NRXN1: variants seen among roughly 807,000 people sequenced by gnomAD.
The protein encoded by NRXN1 is neurexin-1.
In NRXN1, 39 loss-of-function variants were observed where a neutral mutation model predicts 150.9. The ratio of observed to expected loss-of-function variants is 0.26; its 90% CI spans 0.20 to 0.34. NRXN1 has a LOEUF of 0.34. NRXN1 is among the 10% of genes least tolerant of loss of function. The pLI, the probability that NRXN1 is intolerant of heterozygous loss-of-function variation, is 1.00. For missense variants in NRXN1, 1,815 were observed against 1,949.9 expected (o/e 0.93, Z 1.30); for synonymous variants, 924 against 757.0 (o/e 1.22, Z -3.62).
intron 8 of NRXN1, among the ~76,000 whole-genome samples, chr2:50,562,329 C>CGACAGATA (rs1669212879): frequency 6.7e-6 from 1 of 149,908 alleles, no homozygotes; most frequent in Admixed American, 6.7e-5. Context: ...GATAGATATA[C>CGACAGATA]GATAGATAGA....
intron 15 of NRXN1, among the ~76,000 whole-genome samples, chr2:50,485,258 T>G (rs1393662006): frequency 6.6e-6 from 1 of 152,118 alleles, no homozygotes; most frequent in African/African-American, 2.4e-5. Context: ...GATTCAAAAT[T>G]TATCAAGGAA....
In NRXN1 at chr2:50,538,562, C is replaced by T. The variant is rs2093320719; in HGVS notation, c.1834G>A (p.Glu612Lys). 6.4e-7 allele frequency: 1 copy of T among 1,571,282 alleles called. No individual in the cohort carries two copies. Among genetic ancestry groups the T allele is most frequent in the African/African-American group, 1.3e-5 (1 of 74,102 alleles). The change falls in exon 10 of 23, where the codon GAG (glutamate) becomes AAG (lysine). Residue 612 changes from glutamate to lysine, a missense_variant. Transcript: ENST00000401669. ...TCTGGCAGCCCCCCCAGGTACAACT[C>T]ATCATCCAGGTCCAGAATCTCACTC... ...GESEILDLDD[E>K]LYLGGLPENK...
intron 18 of NRXN1, among the ~76,000 whole-genome samples, chr2:50,156,488 T>C (rs1042440576): frequency 2.0e-5 from 3 of 151,960 alleles, no homozygotes; most frequent in Admixed American, 6.6e-5. Flanking sequence ...TTGCCTTTTA[T>C]CTTACGGGTT....
intron 18 of NRXN1, among the ~76,000 whole-genome samples, chr2:50,210,565 T>C (rs2062942470): frequency 6.6e-6 from 1 of 151,784 alleles, no homozygotes; most frequent in Non-Finnish European, 1.5e-5. Flanking sequence ...TGTGAGATTA[T>C]TAAACTTGTT....
At chr2:50,598,552 GTA>G (rs546244675) in intron 8 of NRXN1, among the ~76,000 whole-genome samples, 18 of 139,960 alleles carry the variant, frequency 1.3e-4, no homozygotes, top group Admixed American at 5.2e-4. Context: ...ATATATGTGT[GTA>G]TATATATATG....
At chr2:50,055,422 G>T (rs908722166) in intron 19 of NRXN1, among the ~76,000 whole-genome samples, 1 of 152,082 alleles carries the variant, frequency 6.6e-6, no homozygotes, top group African/African-American at 2.4e-5. Context: ...GGTGAAACAG[G>T]TTTAAGTTTT....
At chr2:50,289,635 T>A (rs1357357406) in intron 17 of NRXN1, among the ~76,000 whole-genome samples, 1 of 152,186 alleles carries the variant, frequency 6.6e-6, no homozygotes. Context: ...AGCTATGAAT[T>A]TTCAGGTAGG....
At position 50,683,631 on chromosome 2, in the gene NRXN1, C is replaced by CAAAAAAAAAAAAAAAAAAAAAAAAAA. The variant is rs745831100; in HGVS notation, c.833-60017_833-60016insTTTTTTTTTTTTTTTTTTTTTTTTTT. On this transcript the variant is annotated intron_variant, in intron 5 of 22. Coordinates refer to ENST00000401669, the MANE Select transcript of NRXN1 (RefSeq NM_001330078.2). ...TGGGTGACAGAGCAAGACTCCGTCT[C>CAAAAAAAAAAAAAAAAAAAAAAAAAA]AAAAAAAAAAAAAAAATATATATAT... Among the ~76,000 whole-genome samples, 2 of 8,532 alleles carry CAAAAAAAAAAAAAAAAAAAAAAAAAA rather than the reference C, an allele frequency of 2.3e-4. 1 individual carries two copies. The highest frequency in any genetic ancestry group is 2.1e-3 in the African/African-American group (2 of 936). 5.6% of individuals were successfully genotyped at this position (8,532 alleles called of 152,430 possible). A position where few individuals can be genotyped will look rare whatever the true frequency, so the allele number is the denominator to read the frequency against.
chr2:49,995,961 A>C lies in NRXN1; in HGVS notation c.4129-52170T>G, dbSNP rs79964560. ...GTCAAAATGACAGGGTGATTTCCAG[A>C]AATTCATTAATCCTTTCAATGAATA... On this transcript the variant is annotated intron_variant, in intron 21 of 22. Transcript: ENST00000401669. 2.4e-3 allele frequency among the ~76,000 whole-genome samples: 371 copies of C among 151,868 alleles called. 15 individuals carry two copies. The East Asian group carries it at 0.057, about 23-fold the overall frequency.
At chr2:50,531,505 T>C (rs1381120099) in intron 10 of NRXN1, 75 bp from the exon 11 acceptor site, 29 of 1,089,556 alleles carry the variant, frequency 2.7e-5, no homozygotes, top group Non-Finnish European at 3.4e-5. Flanking sequence ...AAAAGGATCA[T>C]TTATTATCAT....
intron 5 of NRXN1, among the ~76,000 whole-genome samples, chr2:50,702,922 GC>G (rs1189860063): frequency 4.6e-5 from 7 of 152,004 alleles, no homozygotes; most frequent in Admixed American, 3.9e-4. Context: ...CTATCAGGAT[GC>G]CCTTTTTGTT....
intron 7 of NRXN1, chr2:50,620,970 G>A (rs758931564): frequency 1.4e-5 from 6 of 435,376 alleles, no homozygotes; most frequent in South Asian, 6.1e-5. Context: ...GTTAACCACA[G>A]CTGGATGCAA....
chr2:50,619,658 A>C (rs1477724177), intron 8 of NRXN1: 1 of 376,224 alleles, frequency 2.7e-6, no homozygotes, highest in African/African-American at 2.1e-5. Context: ...TACTCAAAAA[A>C]GTCATCACTG....
At chr2:50,459,319 CTTTTA>C (rs1441596957) in intron 17 of NRXN1, among the ~76,000 whole-genome samples, 2 of 152,090 alleles carry the variant, frequency 1.3e-5, no homozygotes, top group Non-Finnish European at 2.9e-5. Context: ...TATTTTTTTA[CTTTTA>C]TTTTAGATCC....
chr2:50,822,240 G>A (rs1295830290), intron 5 of NRXN1, among the ~76,000 whole-genome samples: 1 of 152,024 alleles, frequency 6.6e-6, no homozygotes, highest in African/African-American at 2.4e-5. Context: ...AATAAATATA[G>A]CTTTCCGTTT....
chr2:50,057,797 G>C (rs1693877696), intron 19 of NRXN1, among the ~76,000 whole-genome samples: 1 of 152,104 alleles, frequency 6.6e-6, no homozygotes, highest in African/African-American at 2.4e-5. Flanking sequence ...ACCACTTGTA[G>C]CTAAGCCTCC....
chr2:50,304,484 A>G (rs1388623630), intron 17 of NRXN1, among the ~76,000 whole-genome samples: 2 of 152,200 alleles, frequency 1.3e-5, no homozygotes, highest in Non-Finnish European at 2.9e-5. Context: ...CCATACCACA[A>G]TAATTCAAAA....
intron 2 of NRXN1, chr2:50,963,956 A>T (rs767506744): frequency 6.8e-6 from 3 of 440,374 alleles, no homozygotes; most frequent in South Asian, 4.9e-5. Context: ...TTTGAGCTCA[A>T]ATAATACAAA....
At chr2:50,307,068 T>C (rs898662002) in intron 17 of NRXN1, among the ~76,000 whole-genome samples, 1 of 152,134 alleles carries the variant, frequency 6.6e-6, no homozygotes, top group Admixed American at 6.6e-5. Context: ...TACTGCAACC[T>C]CTGCCTCCCG....
Sources: gnomAD v4.1 joint callset for allele counts (sites outside exome capture counted in the v4.1 genomes callset) on GRCh38, gnomAD v4.1.1 for gene constraint, MANE v1.5 for transcripts, NCBI Gene and HGNC (gene_info 2026-07-23, HGNC 2026-07-21) for gene names.